ADAM10: variants seen among roughly 807,000 people sequenced by gnomAD.
The protein encoded by ADAM10 is disintegrin and metalloproteinase domain-containing protein 10.
ADAM10 carries 17 observed loss-of-function variants against 90.1 expected under a neutral mutation model. The observed-to-expected ratio is 0.19, with a 90% CI of 0.13 to 0.28. The LOEUF (loss-of-function observed/expected upper bound fraction) is 0.28. Ranked by LOEUF, ADAM10 falls within the 10% of genes least tolerant of loss-of-function variation. The pLI is 1.00. For synonymous variants in ADAM10, 310 were observed against 298.6 expected, an observed-to-expected ratio of 1.04 and a Z score of -0.40; for missense variants, 610 against 914.3, an observed-to-expected ratio of 0.67 and a Z score of 4.29.
intron 9 of ADAM10, among the ~76,000 whole-genome samples, chr15:58,632,845 C>T (rs1896140562): frequency 6.6e-6 from 1 of 152,108 alleles, no homozygotes; most frequent in African/African-American, 2.4e-5. Flanking sequence ...GCTGAACATT[C>T]AAAATGTACT....
Position 58,597,391 on chromosome 15 carries a change from G to C in ADAM10, c.*156C>G. Reference sequence around the variant, plus strand: ...GGAATTTTCAGGCTTTAAAATTTAAGTAATTCCACCTGGTCTGAGGATATG... The same window carrying C: ...GGAATTTTCAGGCTTTAAAATTTAACTAATTCCACCTGGTCTGAGGATATG... On this transcript the variant is annotated 3_prime_UTR_variant, in exon 16 of 16. Transcript: ENST00000260408. 14 of 1,547,028 alleles carry C rather than the reference G, an allele frequency of 9.0e-6. No individual in the cohort carries two copies. The highest frequency in any genetic ancestry group is 1.2e-5 in the Non-Finnish European group (14 of 1,144,658).
intron 15 of ADAM10, among the ~76,000 whole-genome samples, chr15:58,599,100 G>A (rs1364321600): frequency 1.4e-5 from 2 of 142,836 alleles, no homozygotes; most frequent in African/African-American, 5.0e-5. Flanking sequence ...AAAGTGGGGA[G>A]GATTGCTTGA....
At chr15:58,718,725 T>A (rs551850046) in intron 1 of ADAM10, among the ~76,000 whole-genome samples, 1 of 152,270 alleles carries the variant, frequency 6.6e-6, no homozygotes. Flanking sequence ...CTCAGGTAGT[T>A]TCCACATATG....
chr15:58,702,087 C>G (rs1370281777), intron 2 of ADAM10, among the ~76,000 whole-genome samples: 1 of 152,016 alleles, frequency 6.6e-6, no homozygotes, highest in Admixed American at 6.5e-5. Flanking sequence ...GACTGGGCAA[C>G]AGAGCGAGAT....
At chr15:58,727,522 GGGAC>G (rs1250144502) in intron 1 of ADAM10, among the ~76,000 whole-genome samples, 1 of 151,996 alleles carries the variant, frequency 6.6e-6, no homozygotes, top group African/African-American at 2.4e-5. Context: ...TGTAGAAATG[GGGAC>G]TCGCTATGTT....
rs1422265703 is a variant in ADAM10 at position 58,655,698 on chromosome 15, ATATATATATATAG to A, written c.585+9386_585+9398del. On this transcript the variant is annotated intron_variant, in intron 5 of 15. Transcript: ENST00000260408. ...CATACATATATATATTATATATAGT[ATATATATATATAG>A]TATATATATATATATATATATATAT... Among the ~76,000 whole-genome samples the A allele has an allele frequency of 8.1e-3, 355 of 43,952 alleles. 3 individuals carry two copies. The highest frequency in any genetic ancestry group is 0.074 in the African/African-American group (326 of 4,424). 28.8% of individuals were successfully genotyped at this position (43,952 alleles called of 152,430 possible).
intron 2 of ADAM10, among the ~76,000 whole-genome samples, chr15:58,710,696 AG>A (rs2140805311): frequency 6.8e-6 from 1 of 146,284 alleles, no homozygotes; most frequent in South Asian, 2.2e-4. Context: ...TTTTGTTGGA[AG>A]AGATTTAACT....
In ADAM10 at chr15:58,712,683, G is replaced by A. The variant is rs563378822; in HGVS notation, c.206+4894C>T. 1.1e-4 allele frequency among the ~76,000 whole-genome samples: 17 copies of A among 148,992 alleles called. No individual in the cohort carries two copies. In the East Asian group the frequency reaches 1.6e-3, roughly 14 times the overall value. On this transcript the variant is annotated intron_variant, in intron 2 of 15. Coordinates refer to ENST00000260408, the MANE Select transcript of ADAM10 (RefSeq NM_001110.4). ...AAAATACCAAAAAAAAAAATTAGCC[G>A]GGAGCGGTGGTGGGCGCCTCTAGTC... is the stretch of plus-strand genomic sequence containing the variant.
Position 58,627,854 on chromosome 15 carries a change from T to C in ADAM10, c.1206A>G (p.Gly402=). 1 of 1,613,610 alleles carries C rather than the reference T, an allele frequency of 6.2e-7. No homozygotes were observed. The highest frequency in any genetic ancestry group is 8.5e-7 in the Non-Finnish European group (1 of 1,179,774). ...PHDSGTECTP[G]ESKNLGQKEN... ...CTTTTTGACCCAAATTCTTAGATTC[T>C]CCTGGTGTGCACTCTGTTCCAGAAT... is the stretch of plus-strand genomic sequence containing the variant. The change falls in exon 10 of 16, where the codon GGA becomes GGG. Residue 402 remains glycine, a synonymous_variant. Transcript: ENST00000260408.
intron 2 of ADAM10, among the ~76,000 whole-genome samples, chr15:58,704,679 GATA>G (rs1456118591): frequency 5.3e-5 from 8 of 152,174 alleles, no homozygotes; most frequent in African/African-American, 1.9e-4. Flanking sequence ...GGTATGTGAA[GATA>G]ATGATGAGAT....
chr15:58,634,663 A>T (rs1001380055), intron 8 of ADAM10, among the ~76,000 whole-genome samples: 5 of 152,188 alleles, frequency 3.3e-5, no homozygotes, highest in African/African-American at 1.2e-4. Context: ...ACTTTATTAT[A>T]AGATTTTCAG....
chr15:58,696,657 G>T (rs542787342), intron 2 of ADAM10, among the ~76,000 whole-genome samples: 5 of 151,954 alleles, frequency 3.3e-5, no homozygotes, highest in Non-Finnish European at 7.4e-5. Context: ...TACAGATGCG[G>T]TTTCACCATG....
Position 58,627,706 on chromosome 15 carries a change from AAC to A in ADAM10, c.1352_1353del (p.Cys451PhefsTer3). On this transcript the variant is annotated frameshift_variant, in exon 10 of 16. Transcript: ENST00000260408. LOFTEE classifies it high-confidence loss of function. ...GTTAGGAAAATATACATACCAACAA[AAC>A]AGTTGTTTCTCTTCTTCTCAAGAAC... ...SQVLEKKRNNCFVESGQPICG... is the reference protein window; with the variant it reads ...SQVLEKKRNNXFVESGQPICG... 6.2e-7 allele frequency: 1 copy of A among 1,612,312 alleles called. No individual in the cohort carries two copies. The highest frequency in any genetic ancestry group is 8.5e-7 in the Non-Finnish European group (1 of 1,178,672).
At chr15:58,630,708 A>G (rs1171377882) in intron 9 of ADAM10, among the ~76,000 whole-genome samples, 2 of 152,240 alleles carry the variant, frequency 1.3e-5, no homozygotes, top group African/African-American at 2.4e-5. Context: ...ACCACTCAGA[A>G]AAAGTAACAT....
chr15:58,749,534 T>TCTTCCG lies in ADAM10; in HGVS notation c.-6_-1dup, dbSNP rs1214086991. On this transcript the variant is annotated 5_prime_UTR_variant, in exon 1 of 16. Coordinates refer to ENST00000260408, the MANE Select transcript of ADAM10 (RefSeq NM_001110.4). ...AGAATTAACACTCTCAGCAACACCA[T>TCTTCCG]CTTCCGCTGCCGCTGCCGCCGCCGC... 1.3e-5 allele frequency: 20 copies of TCTTCCG among 1,551,700 alleles called. No individual in the cohort carries two copies. Among genetic ancestry groups the TCTTCCG allele is most frequent in the Non-Finnish European group, 1.7e-5 (20 of 1,147,450 alleles).
At chr15:58,614,637 A>G (rs1269322662) in intron 11 of ADAM10, among the ~76,000 whole-genome samples, 2 of 152,192 alleles carry the variant, frequency 1.3e-5, no homozygotes, top group Non-Finnish European at 2.9e-5. Context: ...GTCTATACCC[A>G]GCAAAACTAA....
At chr15:58,742,298 T>C (rs1467691485) in intron 1 of ADAM10, among the ~76,000 whole-genome samples, 1 of 152,182 alleles carries the variant, frequency 6.6e-6, no homozygotes, top group African/African-American at 2.4e-5. Context: ...AATCTTATGA[T>C]GGGTTGTGAC....
At position 58,679,169 on chromosome 15, in the gene ADAM10, G is replaced by A. The variant is rs1162019655; in HGVS notation, c.439C>T (p.Arg147Ter). Residue 147 changes from arginine (R) to a stop codon, truncating the protein, a stop_gained, in exon 4 of 16, where the codon CGA (arginine) becomes TGA (stop). Coordinates refer to ENST00000260408, the MANE Select transcript of ADAM10 (RefSeq NM_001110.4). LOFTEE classifies it high-confidence loss of function. Reference protein sequence around the residue: ...VEPAERYIKDRTLPFHSVIYH... With the variant: ...VEPAERYIKD ...ATGACAGAGTGAAATGGCAGAGTTC[G>A]GTCTTTAATATATCTCTCTGCTGGC... is the stretch of plus-strand genomic sequence containing the variant. 1.2e-6 allele frequency: 2 copies of A among 1,613,688 alleles called. No homozygotes were observed. The highest frequency in any genetic ancestry group is 1.7e-5 in the Admixed American group (1 of 59,986).
At chr15:58,714,433 T>C (rs1404758811) in intron 2 of ADAM10, among the ~76,000 whole-genome samples, 1 of 152,116 alleles carries the variant, frequency 6.6e-6, no homozygotes, top group East Asian at 1.9e-4. Context: ...GTATTTAATA[T>C]ATTCTATTAT....
Sources: gnomAD v4.1 joint callset for allele counts (sites outside exome capture counted in the v4.1 genomes callset) on GRCh38, gnomAD v4.1.1 for gene constraint, MANE v1.5 for transcripts, NCBI Gene and HGNC (gene_info 2026-07-23, HGNC 2026-07-21) for gene names.